The following CARD14 variants were observed in gnomAD, a reference collection of about 807,000 sequenced individuals.
CARD14 encodes caspase recruitment domain family member 14, also known as caspase recruitment domain-containing protein 14.
In CARD14, 107 loss-of-function variants were observed where a neutral mutation model predicts 111.5. That is an observed-to-expected ratio of 0.96 (90% CI 0.82 to 1.13). The LOEUF (loss-of-function observed/expected upper bound fraction) is 1.13. CARD14 is among the 50% of genes most tolerant of loss of function. CARD14 has a pLI of 0.00. For synonymous variants in CARD14, 617 were observed against 579.6 expected, an observed-to-expected ratio of 1.06 and a Z score of -0.93; for missense variants, 1,322 against 1,362.3, an observed-to-expected ratio of 0.97 and a Z score of 0.47.
rs1414205649 is a variant in CARD14, at chr17:80,191,395, C to T, written c.1162C>T (p.Gln388Ter). The T allele has an allele frequency of 6.2e-7, 1 of 1,613,898 alleles. No homozygotes were observed. Among genetic ancestry groups the T allele is most frequent in the Non-Finnish European group, 8.5e-7 (1 of 1,180,014 alleles). The change falls in exon 11 of 24, where the codon CAG (glutamine) becomes TAG (stop). Residue 388 changes from glutamine to a stop codon, truncating the protein, a stop_gained. Transcript: ENST00000648509. LOFTEE classifies it high-confidence loss of function. ...GGTGGAGAAGGACTCCCTCCGCAGGCAGGTGTTCGAGCTGACGGACCAGGT... is the reference window on the plus strand; with the variant it reads ...GGTGGAGAAGGACTCCCTCCGCAGGTAGGTGTTCGAGCTGACGGACCAGGT... The part of the protein sequence containing the change: ...SLVEKDSLRR[Q>*]VFELTDQVCE...
At position 80,198,044 on chromosome 17, in the gene CARD14, A is replaced by G. The variant is rs1054698303; in HGVS notation, c.1595-55A>G. 2 of 1,553,220 alleles carry G rather than the reference A, an allele frequency of 1.3e-6. No homozygotes were observed. The highest frequency in any genetic ancestry group is 2.7e-5 in the African/African-American group (2 of 73,628). On this transcript the variant is annotated intron_variant, in intron 14 of 23. Transcript: ENST00000648509. This position sits in a 1 kb window ranked among gnomAD's most constrained non-coding sequence, Gnocchi z 7.5. Reference sequence around the variant, plus strand: ...GGCTGAGGTTACAGGAGGTTACAGGACGCCCCATCAGCAGTGGGGTGACCA... The same window carrying G: ...GGCTGAGGTTACAGGAGGTTACAGGGCGCCCCATCAGCAGTGGGGTGACCA...
rs2144312355 is a variant in CARD14 at position 80,195,141 on chromosome 17, T to C, written c.1357-50T>C. On this transcript the variant is annotated intron_variant, in intron 12 of 23. Coordinates refer to ENST00000648509, the MANE Select transcript of CARD14 (RefSeq NM_001366385.1). This position sits in a 1 kb window ranked among gnomAD's most constrained non-coding sequence, Gnocchi z 4.7. ...ACCGTGGGGGAGCAAGGGAGGAGTC[T>C]CAGGGTGTCCTCGTGCGTGCCCCAC... is the stretch of plus-strand genomic sequence containing the variant. 1 of 1,552,898 alleles carries C rather than the reference T, an allele frequency of 6.4e-7. No homozygotes were observed. Among genetic ancestry groups the C allele is most frequent in the Non-Finnish European group, 8.7e-7 (1 of 1,144,078 alleles).
intron 2 of CARD14, among the ~76,000 whole-genome samples, chr17:80,176,905 T>C (rs1383787025): frequency 6.6e-6 from 1 of 152,166 alleles, no homozygotes; most frequent in Non-Finnish European, 1.5e-5. Flanking sequence ...TGGCAGCGCA[T>C]CCCTGGAGAT....
chr17:80,181,522 C>G lies in CARD14; in HGVS notation c.84C>G (p.His28Gln), dbSNP rs2040174246. ...GGGAGATGATGGAGAGCCACCGCCA[C>G]AGGATCGTACGCTGCATCTGCCCCA... Reference protein sequence around the residue: ...TLWEMMESHRHRIVRCICPSR... With the variant: ...TLWEMMESHRQRIVRCICPSR... Residue 28 changes from histidine to glutamine, a missense_variant, in exon 5 of 24, where the codon CAC becomes CAG. Transcript: ENST00000648509. 6.3e-7 allele frequency: 1 copy of G among 1,588,966 alleles called. No individual in the cohort carries two copies. The highest frequency in any genetic ancestry group is 8.6e-7 in the Non-Finnish European group (1 of 1,168,052).
intron 22 of CARD14, 67 bp from the exon 23 acceptor site, chr17:80,206,903 C>G: frequency 8.5e-7 from 1 of 1,173,866 alleles, no homozygotes; most frequent in Non-Finnish European, 1.2e-6. Context: ...CTGACCTGGG[C>G]GTTGGCTCCC....
At chr17:80,196,245 T>G (rs72852591) in intron 14 of CARD14, 1 of 152,224 alleles carries the variant, frequency 6.6e-6, no homozygotes, top group Admixed American at 6.5e-5. Context: ...TTGCTCCCCA[T>G]TTGGAATTCA....
At chr17:80,193,137 C>T (rs2040581319) in intron 12 of CARD14, among the ~76,000 whole-genome samples, 1 of 152,188 alleles carries the variant, frequency 6.6e-6, no homozygotes, top group African/African-American at 2.4e-5. Flanking sequence ...ACAGGGTACC[C>T]GTCTGGAAAT....
intron 5 of CARD14, among the ~76,000 whole-genome samples, chr17:80,181,879 G>A (rs2040187873): frequency 6.6e-6 from 1 of 152,206 alleles, no homozygotes; most frequent in East Asian, 1.9e-4. Context: ...GTTCCAGGTG[G>A]ATGTGTCTTT....
chr17:80,178,356 A>C (rs2144117985), intron 2 of CARD14, 152 bp from the exon 3 acceptor site: 1 of 152,316 alleles, frequency 6.6e-6, no homozygotes. Context: ...GGAAAACCAC[A>C]GGGGTCAAAG....
intron 18 of CARD14, 51 bp downstream of exon 18, chr17:80,202,471 A>G (rs368293165): frequency 5.7e-6 from 9 of 1,587,108 alleles, no homozygotes; most frequent in Non-Finnish European, 6.9e-6. Flanking sequence ...CCACAGGGAA[A>G]TGGCACCCAG....
At position 80,203,795 on chromosome 17, in the gene CARD14, G is replaced by T. The variant is rs1322377791; in HGVS notation, c.2220-27G>T. On this transcript the variant is annotated intron_variant, in intron 18 of 23. Transcript: ENST00000648509. This position sits in a 1 kb window ranked among gnomAD's most constrained non-coding sequence, Gnocchi z 4.6. ...CTGCTCACCTGGCAGGAGGCAGCTG[G>T]GTCAGGGCCTCTGCTGGTCTCTGCA... The T allele has an allele frequency of 1.9e-6, 3 of 1,549,918 alleles. No individual in the cohort carries two copies. The highest frequency in any genetic ancestry group is 1.2e-5 in the South Asian group (1 of 84,054).
At chr17:80,177,337 C>T (rs925117690) in intron 2 of CARD14, among the ~76,000 whole-genome samples, 4 of 152,108 alleles carry the variant, frequency 2.6e-5, no homozygotes, top group Admixed American at 2.6e-4. Flanking sequence ...AGCGATCCTC[C>T]CACCTCAGCC....
At chr17:80,185,948 G>A (rs1177585051) in intron 7 of CARD14, among the ~76,000 whole-genome samples, 1 of 152,268 alleles carries the variant, frequency 6.6e-6, no homozygotes, top group Non-Finnish European at 1.5e-5. Context: ...CCTCACAGGG[G>A]ACGTCACACC....
chr17:80,188,181 C>G lies in CARD14; in HGVS notation c.676-196C>G. 1 of 565,754 alleles carries G rather than the reference C, an allele frequency of 1.8e-6. No individual in the cohort carries two copies. Among genetic ancestry groups the G allele is most frequent in the East Asian group, 3.8e-5 (1 of 26,326 alleles). The allele number at this position is 565,754 out of a possible 1,614,324, so 35.0% of individuals were successfully genotyped here. On this transcript the variant is annotated intron_variant, in intron 7 of 23. Transcript: ENST00000648509. The surrounding 1 kb of genome is among the most constrained non-coding windows in gnomAD (Gnocchi z 4.5). ...CATCTATAAGACAGAGCTGAAAGGCCTCTGTCCTCCCAGCCCCAGTTGAAT... is the reference window on the plus strand; with the variant it reads ...CATCTATAAGACAGAGCTGAAAGGCGTCTGTCCTCCCAGCCCCAGTTGAAT...
chr17:80,187,793 G>C, intron 7 of CARD14: 1 of 985,470 alleles, frequency 1.0e-6, no homozygotes, highest in South Asian at 4.7e-5. Context: ...GTTTCTCTTG[G>C]GCTGCTGTCC....
intron 22 of CARD14, chr17:80,205,987 C>A: frequency 5.1e-6 from 1 of 194,876 alleles, no homozygotes; most frequent in Non-Finnish European, 1.0e-5. Flanking sequence ...CCCCGTGAAC[C>A]ACAGCTTTGT....
intron 18 of CARD14, 123 bp downstream of exon 18, chr17:80,202,543 G>A: frequency 6.8e-7 from 1 of 1,472,198 alleles, no homozygotes; most frequent in Non-Finnish European, 9.0e-7. Context: ...ACCCCCCTAA[G>A]GAGGGAAGCC....
rs776425179 is a variant in CARD14, at chr17:80,182,754, G to A, written c.313G>A (p.Gly105Arg). 18 of 1,614,160 alleles carry A rather than the reference G, an allele frequency of 1.1e-5. No homozygotes were observed. Among genetic ancestry groups the A allele is most frequent in the Non-Finnish European group, 1.4e-5 (16 of 1,180,018 alleles). ...CCCTGACGTCTACACCCTGGTCACC[G>A]GGCTGCAGCCTGATGTTGACTTCAG... Reference protein sequence around the residue: ...HNPDVYTLVTGLQPDVDFSNF... With the variant: ...HNPDVYTLVTRLQPDVDFSNF... Residue 105 changes from glycine to arginine, a missense_variant, in exon 6 of 24, where the codon GGG becomes AGG. Transcript: ENST00000648509. This position sits in a 1 kb window ranked among gnomAD's most constrained non-coding sequence, Gnocchi z 4.7.
At chr17:80,197,969 G>A (rs2040778099) in intron 14 of CARD14, 130 bp from the exon 15 acceptor site, 4 of 829,624 alleles carry the variant, frequency 4.8e-6, no homozygotes, top group Non-Finnish European at 8.3e-6. Context: ...GTTACAGGAG[G>A]TTACAGGACG....
Sources: gnomAD v4.1 joint callset for allele counts (sites outside exome capture counted in the v4.1 genomes callset) on GRCh38, gnomAD v4.1.1 for gene constraint, Gnocchi (gnomAD v3.1) non-coding constraint, MANE v1.5 for transcripts, NCBI Gene and HGNC (gene_info 2026-07-23, HGNC 2026-07-21) for gene names.